The following MAPK10 variants were observed in gnomAD, a reference collection of about 807,000 sequenced individuals.
MAPK10 encodes JNK3 alpha protein kinase.
Under a neutral mutation model 59.3 loss-of-function variants are expected in MAPK10, and 25 were observed. The observed-to-expected ratio is 0.42, with a 90% CI of 0.31 to 0.59. MAPK10 has a LOEUF of 0.59. Ranked by LOEUF, MAPK10 falls within the 20% of genes least tolerant of loss-of-function variation. The pLI is 0.15. For missense variants in MAPK10, 351 were observed against 568.9 expected (o/e 0.62, Z 3.90); for synonymous variants, 190 against 200.5 (o/e 0.95, Z 0.44).
chr4:86,548,323 C>T (rs527949538), intron 1 of MAPK10, among the ~76,000 whole-genome samples: 31 of 152,152 alleles, frequency 2.0e-4, no homozygotes, highest in Admixed American at 7.9e-4. Flanking sequence ...CAAACACATC[C>T]GAACATCAGA....
intron 2 of MAPK10, among the ~76,000 whole-genome samples, chr4:86,349,605 C>T (rs981924272): frequency 3.3e-5 from 5 of 152,062 alleles, no homozygotes; most frequent in African/African-American, 9.7e-5. Context: ...GTGAGAACAC[C>T]AAGAATGATT....
intron 4 of MAPK10, among the ~76,000 whole-genome samples, chr4:86,140,668 A>C (rs200424020): frequency 2.0e-4 from 30 of 151,646 alleles, no homozygotes; most frequent in African/African-American, 6.3e-4. Context: ...ATGTACCCTA[A>C]AACTTAAAGT....
At chr4:86,049,953 A>G (rs1040270273) in intron 11 of MAPK10, among the ~76,000 whole-genome samples, 1 of 147,628 alleles carries the variant, frequency 6.8e-6, no homozygotes, top group African/African-American at 2.5e-5. Flanking sequence ...AATGACTTAA[A>G]AGGTGTTTCC....
At chr4:86,031,969 G>T (rs2039128167) in intron 11 of MAPK10, 1 of 152,620 alleles carries the variant, frequency 6.6e-6, no homozygotes, top group Admixed American at 6.5e-5. Context: ...AAATACCATA[G>T]AATGTCTTTA....
chr4:86,274,504 C>G (rs1583879362), intron 2 of MAPK10, among the ~76,000 whole-genome samples: 1 of 151,678 alleles, frequency 6.6e-6, no homozygotes, highest in East Asian at 1.9e-4. Flanking sequence ...GCTTTCTCGC[C>G]TCTCACTTTC....
chr4:86,457,355 G>A (rs1226167418), upstream of MAPK10, among the ~76,000 whole-genome samples: 1 of 152,108 alleles, frequency 6.6e-6, no homozygotes, highest in South Asian at 2.1e-4. Flanking sequence ...TTGGTAAAAA[G>A]GAAGTCAAAC....
intron 1 of MAPK10, among the ~76,000 whole-genome samples, chr4:86,550,351 G>A (rs1446155371): frequency 8.4e-6 from 1 of 118,918 alleles, no homozygotes; most frequent in Non-Finnish European, 1.6e-5. Context: ...ATATTAATCA[G>A]AAGGGCTAAG....
intron 1 of MAPK10, among the ~76,000 whole-genome samples, chr4:86,502,142 G>A (rs894899618): frequency 2.0e-5 from 3 of 151,744 alleles, no homozygotes; most frequent in East Asian, 3.9e-4. Flanking sequence ...CCTCTTTAAC[G>A]GCTACTTTTT....
At chr4:86,496,515 C>G (rs753548368) in intron 1 of MAPK10, among the ~76,000 whole-genome samples, 2 of 152,126 alleles carry the variant, frequency 1.3e-5, no homozygotes, top group Non-Finnish European at 2.9e-5. Flanking sequence ...GTGGCCTATA[C>G]AAAGTACATG....
At chr4:86,297,719 T>C (rs956293039) in intron 2 of MAPK10, among the ~76,000 whole-genome samples, 2 of 146,864 alleles carry the variant, frequency 1.4e-5, no homozygotes, top group African/African-American at 5.0e-5. Context: ...TCAATGTTAT[T>C]ACCCGGACGA....
chr4:86,264,668 G>T (rs1038702099), intron 2 of MAPK10, among the ~76,000 whole-genome samples: 1 of 152,106 alleles, frequency 6.6e-6, no homozygotes. Context: ...AGTGAGATTT[G>T]TTTTTGTTTT....
intron 1 of MAPK10, among the ~76,000 whole-genome samples, chr4:86,465,403 T>A (rs1225111520): frequency 6.6e-6 from 1 of 152,210 alleles, no homozygotes; most frequent in Non-Finnish European, 1.5e-5. Context: ...CAAGCCATAG[T>A]GGAAAGAATG....
At chr4:86,581,206 C>T (rs957349945) in intron 1 of MAPK10, among the ~76,000 whole-genome samples, 10 of 151,708 alleles carry the variant, frequency 6.6e-5, no homozygotes, top group African/African-American at 2.4e-4. Context: ...GGGTTTTGCA[C>T]CATGTCTATT....
In MAPK10 at chr4:86,011,260, G is replaced by C. The variant is rs1183613605; in HGVS notation, c.*5968C>G. The C allele has an allele frequency of 6.6e-6, 1 of 152,236 alleles. No homozygotes were observed. Among genetic ancestry groups the C allele is most frequent in the Non-Finnish European group, 1.5e-5 (1 of 68,050 alleles). The allele number at this position is 152,236 out of a possible 1,614,324, so 9.4% of individuals were successfully genotyped here. ...CACATAGAGTGGCTCCCAACATAAA[G>C]TGATCTGTGATGGCAGGACTTTCAG... On this transcript the variant is annotated 3_prime_UTR_variant, in exon 14 of 14. Transcript: ENST00000641462.
intron 2 of MAPK10, among the ~76,000 whole-genome samples, chr4:86,285,760 T>C (rs1016503026): frequency 6.6e-6 from 1 of 152,206 alleles, no homozygotes; most frequent in Non-Finnish European, 1.5e-5. Context: ...AAAAGTCCCA[T>C]GATCTGCCTT....
intron 1 of MAPK10, among the ~76,000 whole-genome samples, chr4:86,461,437 G>A (rs553009088): frequency 7.2e-5 from 11 of 152,264 alleles, no homozygotes; most frequent in African/African-American, 1.4e-4. Flanking sequence ...AATCAAGGCC[G>A]GGTGTGGTGG....
At chr4:86,396,395 T>C (rs1309723293) in intron 1 of MAPK10, among the ~76,000 whole-genome samples, 1 of 152,146 alleles carries the variant, frequency 6.6e-6, no homozygotes, top group Non-Finnish European at 1.5e-5. Flanking sequence ...CCTAAAGCTC[T>C]TCCACCCAAT....
intron 4 of MAPK10, among the ~76,000 whole-genome samples, chr4:86,135,965 C>T (rs2061977744): frequency 6.6e-6 from 1 of 151,912 alleles, no homozygotes; most frequent in Non-Finnish European, 1.5e-5. Context: ...TGAAATGAAG[C>T]AAGAAGGGAA....
At chr4:86,235,983 T>G (rs1369908548) in intron 2 of MAPK10, among the ~76,000 whole-genome samples, 1 of 152,190 alleles carries the variant, frequency 6.6e-6, no homozygotes, top group Non-Finnish European at 1.5e-5. Context: ...TAGTTCCTCT[T>G]GGAAGCTCTA....
Sources: allele counts gnomAD v4.1 joint callset (sites outside exome capture counted in the v4.1 genomes callset), GRCh38; gene constraint gnomAD v4.1.1; transcripts MANE v1.5; gene names NCBI Gene and HGNC (gene_info 2026-07-23, HGNC 2026-07-21).